PPFIA2: variants seen among roughly 807,000 people sequenced by gnomAD.
PPFIA2 encodes liprin-alpha-2.
PPFIA2 carries 46 observed loss-of-function variants against 175.5 expected under a neutral mutation model. The ratio of observed to expected loss-of-function variants is 0.26; its 90% CI spans 0.21 to 0.34. PPFIA2 has a LOEUF of 0.34. Among genes scored for constraint, PPFIA2 ranks in the 10% least tolerant of loss-of-function variants. The pLI, the probability that PPFIA2 is intolerant of heterozygous loss-of-function variation, is 1.00. For synonymous variants in PPFIA2, 568 were observed against 511.4 expected, an observed-to-expected ratio of 1.11 and a Z score of -1.49; for missense variants, 1,179 against 1,506.1, an observed-to-expected ratio of 0.78 and a Z score of 3.60.
intron 24 of PPFIA2, among the ~76,000 whole-genome samples, chr12:81,290,680 TA>T (rs1470651237): frequency 5.9e-5 from 9 of 151,884 alleles, no homozygotes; most frequent in Admixed American, 5.3e-4. Flanking sequence ...TAGTGATTTT[TA>T]AAATGTAAAT....
intron 8 of PPFIA2, among the ~76,000 whole-genome samples, chr12:81,401,334 C>T (rs1470920932): frequency 6.6e-6 from 1 of 152,108 alleles, no homozygotes; most frequent in East Asian, 1.9e-4. Context: ...TATAGTGTTT[C>T]TATTCTTATA....
At chr12:81,580,723 A>G (rs2074275921) in intron 4 of PPFIA2, among the ~76,000 whole-genome samples, 1 of 151,784 alleles carries the variant, frequency 6.6e-6, no homozygotes, top group Non-Finnish European at 1.5e-5. Context: ...TTCATATTCT[A>G]TAGAAACGAT....
chr12:81,732,547 G>C (rs1274101350), intron 3 of PPFIA2, among the ~76,000 whole-genome samples: 1 of 146,306 alleles, frequency 6.8e-6, no homozygotes, highest in Non-Finnish European at 1.5e-5. Flanking sequence ...ACACACAACA[G>C]GTTCCACTAG....
intron 4 of PPFIA2, among the ~76,000 whole-genome samples, chr12:81,486,796 T>C (rs1331224066): frequency 6.6e-6 from 1 of 151,912 alleles, no homozygotes; most frequent in African/African-American, 2.4e-5. Flanking sequence ...GATAACATTT[T>C]TTAGTCCACC....
At chr12:81,436,220 G>A (rs2048965273) in intron 7 of PPFIA2, among the ~76,000 whole-genome samples, 1 of 142,828 alleles carries the variant, frequency 7.0e-6, no homozygotes, top group South Asian at 2.3e-4. Context: ...GGTGGAGGGT[G>A]CAGTAAGCCT....
chr12:81,624,116 C>T (rs2062394246), intron 4 of PPFIA2, among the ~76,000 whole-genome samples: 1 of 151,818 alleles, frequency 6.6e-6, no homozygotes, highest in South Asian at 2.1e-4. Context: ...GTCTTTACAT[C>T]TATAAGCACT....
Position 81,405,873 on chromosome 12 carries a change from T to A in PPFIA2, c.676A>T (p.Ile226Leu). The A allele has an allele frequency of 6.4e-7, 1 of 1,574,132 alleles. No individual in the cohort carries two copies. Among genetic ancestry groups the A allele is most frequent in the Non-Finnish European group, 8.6e-7 (1 of 1,157,722 alleles). The change falls in exon 8 of 33, where the codon ATA becomes TTA. Residue 226 changes from isoleucine to leucine, a missense_variant. This residue lies in a region of PPFIA2 where 226 missense variants were observed against 216.6 expected (regional missense o/e 1.04). Transcript: ENST00000549396. The stretch of plus-strand genomic sequence containing the variant: ...TCGCTTGATGCCATTTTTCTTTGTA[T>A]ATGAACATTTTGTTCACGCAAGGCA... Reference protein sequence around the residue: ...IVALREQNVHIQRKMASSEGS... With the variant: ...IVALREQNVHLQRKMASSEGS...
chr12:81,336,657 G>A (rs2057182188), intron 21 of PPFIA2, among the ~76,000 whole-genome samples: 1 of 152,100 alleles, frequency 6.6e-6, no homozygotes, highest in Non-Finnish European at 1.5e-5. Flanking sequence ...TAGTATAGCT[G>A]CTTTCAACTT....
At chr12:81,612,787 CAT>C (rs1456250217) in intron 4 of PPFIA2, among the ~76,000 whole-genome samples, 3 of 152,154 alleles carry the variant, frequency 2.0e-5, no homozygotes, top group African/African-American at 7.2e-5. Context: ...ATAGATGTGT[CAT>C]ATATATGTGT....
At chr12:81,507,414 A>G (rs1411786254) in intron 4 of PPFIA2, among the ~76,000 whole-genome samples, 1 of 135,508 alleles carries the variant, frequency 7.4e-6, no homozygotes. Flanking sequence ...AATCCAGAAC[A>G]TAATTATTAT....
At chr12:81,746,599 A>G (rs1345468363) in intron 3 of PPFIA2, among the ~76,000 whole-genome samples, 3 of 144,398 alleles carry the variant, frequency 2.1e-5, no homozygotes, top group African/African-American at 4.9e-5. Context: ...TTTTGTTGTT[A>G]ATTGTACTTG....
At position 81,360,117 on chromosome 12, in the gene PPFIA2, G is replaced by C. The variant is rs576863758; in HGVS notation, c.1638-1900C>G. On this transcript the variant is annotated intron_variant, in intron 15 of 32. Transcript: ENST00000549396. ...AGTGCTATTGCCATCTACCCTTCTAGCTCCTAGTATTCTTTTTTATTGTAC... is the reference window on the plus strand; with the variant it reads ...AGTGCTATTGCCATCTACCCTTCTACCTCCTAGTATTCTTTTTTATTGTAC... Among the ~76,000 whole-genome samples, 277 of 151,944 alleles carry C rather than the reference G, an allele frequency of 1.8e-3. 2 individuals are homozygous for C. Among genetic ancestry groups the C allele is most frequent in the Admixed American group, 3.3e-3 (50 of 15,224 alleles).
chr12:81,699,323 A>G lies in PPFIA2; in HGVS notation c.250-22479T>C, dbSNP rs371136070. On this transcript the variant is annotated intron_variant, in intron 3 of 32. Transcript: ENST00000549396. ...GTAAACATTATACCAAATTATTTTG[A>G]TAAATATATTAATACATCAAAAGCA... is the stretch of plus-strand genomic sequence containing the variant. Among the ~76,000 whole-genome samples, 7 of 152,072 alleles carry G rather than the reference A, an allele frequency of 4.6e-5. No individual in the cohort carries two copies. In the East Asian group the frequency reaches 7.7e-4, roughly 17 times the overall value.
chr12:81,702,570 AT>A (rs1366964712), intron 3 of PPFIA2, among the ~76,000 whole-genome samples: 1 of 152,130 alleles, frequency 6.6e-6, no homozygotes, highest in African/African-American at 2.4e-5. Flanking sequence ...TTTAATTAAA[AT>A]GTACAGAAAG....
At chr12:81,685,580 T>C (rs948177647) in intron 3 of PPFIA2, among the ~76,000 whole-genome samples, 1 of 151,874 alleles carries the variant, frequency 6.6e-6, no homozygotes, top group Non-Finnish European at 1.5e-5. Context: ...CAATGAGGAG[T>C]AAATCAAGGT....
At chr12:81,539,752 C>A (rs185233698) in intron 4 of PPFIA2, among the ~76,000 whole-genome samples, 1 of 151,896 alleles carries the variant, frequency 6.6e-6, no homozygotes, top group South Asian at 2.1e-4. Context: ...AGATACAGAA[C>A]GAAGCAGTCC....
chr12:81,473,915 T>G (rs2057121089), intron 4 of PPFIA2, among the ~76,000 whole-genome samples: 1 of 152,230 alleles, frequency 6.6e-6, no homozygotes, highest in Non-Finnish European at 1.5e-5. Context: ...CTTACTCATT[T>G]TTATTTATGT....
chr12:81,337,922 A>G lies in PPFIA2; in HGVS notation c.2548+1258T>C, dbSNP rs113916117. Reference sequence around the variant, plus strand: ...TGTCTCTCTTTTTTCCTCATGCAATAATATTATGTATAGCCTAAAGAGTTC... The same window carrying G: ...TGTCTCTCTTTTTTCCTCATGCAATGATATTATGTATAGCCTAAAGAGTTC... On this transcript the variant is annotated intron_variant, in intron 21 of 32. Coordinates refer to ENST00000549396, the MANE Select transcript of PPFIA2 (RefSeq NM_003625.5). Among the ~76,000 whole-genome samples the G allele has an allele frequency of 3.3e-5, 5 of 152,270 alleles. 1 individual carries two copies. Among genetic ancestry groups the G allele is most frequent in the African/African-American group, 1.2e-4 (5 of 41,574 alleles).
rs571323174 is a variant in PPFIA2 at position 81,531,179 on chromosome 12, C to T, written c.304-73313G>A. Among the ~76,000 whole-genome samples, 9 of 151,924 alleles carry T rather than the reference C, an allele frequency of 5.9e-5. No individual in the cohort carries two copies. The South Asian group carries it at 1.9e-3, about 32-fold the overall frequency. ...TTATTCCCAGCGAATAGAAGCCATGCCAGTAAATCAAATTGGCATAAATAG... is the reference window on the plus strand; with the variant it reads ...TTATTCCCAGCGAATAGAAGCCATGTCAGTAAATCAAATTGGCATAAATAG... On this transcript the variant is annotated intron_variant, in intron 4 of 32. Transcript: ENST00000549396.
Sources: allele counts gnomAD v4.1 joint callset (sites outside exome capture counted in the v4.1 genomes callset), GRCh38; gene constraint gnomAD v4.1.1; regional missense constraint gnomAD v4.1.1; transcripts MANE v1.5; gene names NCBI Gene and HGNC (gene_info 2026-07-23, HGNC 2026-07-21).